Variants in SGCZ observed in about 807,000 individuals in gnomAD.
The protein encoded by SGCZ is zeta-sarcoglycan.
SGCZ carries 40 observed loss-of-function variants against 41.3 expected under a neutral mutation model. That is an observed-to-expected ratio of 0.97 (90% CI 0.75 to 1.26). SGCZ has a LOEUF of 1.26. Ranked by LOEUF, SGCZ falls within the 50% of genes most tolerant of loss-of-function variation. The pLI is 0.00. For missense variants in SGCZ, 552 were observed against 369.8 expected, an observed-to-expected ratio of 1.49 and a Z score of -4.04; for synonymous variants, 206 against 137.5, an observed-to-expected ratio of 1.50 and a Z score of -3.49.
intron 1 of SGCZ, among the ~76,000 whole-genome samples, chr8:14,865,243 C>T (rs1282559013): frequency 1.3e-5 from 2 of 152,044 alleles, no homozygotes; most frequent in South Asian, 2.1e-4. Flanking sequence ...GCGTCCAGGT[C>T]TCTTCTGCCC....
At chr8:14,948,792 T>A (rs965438901) in intron 1 of SGCZ, among the ~76,000 whole-genome samples, 1 of 152,108 alleles carries the variant, frequency 6.6e-6, no homozygotes, top group Non-Finnish European at 1.5e-5. Flanking sequence ...ACTGCTGGTT[T>A]TTGTTTGTTT....
intron 1 of SGCZ, among the ~76,000 whole-genome samples, chr8:15,170,135 T>C (rs897247839): frequency 1.4e-5 from 2 of 138,586 alleles, no homozygotes; most frequent in African/African-American, 5.4e-5. Flanking sequence ...TAAATTTTTT[T>C]CCATGTGCAG....
At chr8:15,129,338 C>T (rs1807815511) in intron 1 of SGCZ, among the ~76,000 whole-genome samples, 1 of 152,162 alleles carries the variant, frequency 6.6e-6, no homozygotes, top group Non-Finnish European at 1.5e-5. Context: ...ACAGTTAACA[C>T]TTAGAGTCTA....
At chr8:14,861,430 C>A (rs548700881) in intron 1 of SGCZ, among the ~76,000 whole-genome samples, 1 of 151,924 alleles carries the variant, frequency 6.6e-6, no homozygotes, top group Non-Finnish European at 1.5e-5. Flanking sequence ...GAATGAAATG[C>A]GTATATATGT....
chr8:15,029,310 C>G lies in SGCZ; in HGVS notation c.39+208275G>C, dbSNP rs867764823. On this transcript the variant is annotated intron_variant, in intron 1 of 7. Coordinates refer to ENST00000382080, the MANE Select transcript of SGCZ (RefSeq NM_139167.4). ...AGTGGATTTTATATATAGAAAAAAA[C>G]CATATGCCTGTAGGTGCATGTATTT... Among the ~76,000 whole-genome samples, 5 of 152,050 alleles carry G rather than the reference C, an allele frequency of 3.3e-5. No homozygotes were observed. The South Asian group carries it at 6.2e-4, about 19-fold the overall frequency.
At chr8:15,190,109 T>A (rs904524801) in intron 1 of SGCZ, among the ~76,000 whole-genome samples, 1 of 152,132 alleles carries the variant, frequency 6.6e-6, no homozygotes, top group Non-Finnish European at 1.5e-5. Flanking sequence ...AACCCATGGT[T>A]TGATGTCTGC....
intron 1 of SGCZ, among the ~76,000 whole-genome samples, chr8:14,803,561 C>T (rs900092960): frequency 1.3e-5 from 2 of 152,138 alleles, no homozygotes; most frequent in Non-Finnish European, 2.9e-5. Flanking sequence ...TATCCCGCAC[C>T]CGGCTCAGAG....
chr8:14,094,842 A>T (rs1801794300), intron 7 of SGCZ, among the ~76,000 whole-genome samples: 1 of 152,120 alleles, frequency 6.6e-6, no homozygotes. Flanking sequence ...CTGGCGTGAG[A>T]TGGTATCTCA....
At chr8:15,216,116 C>G (rs375495339) in intron 1 of SGCZ, among the ~76,000 whole-genome samples, 7 of 152,092 alleles carry the variant, frequency 4.6e-5, no homozygotes, top group Admixed American at 1.3e-4. Flanking sequence ...TAACATCTGC[C>G]AGAGCCACTA....
intron 4 of SGCZ, among the ~76,000 whole-genome samples, chr8:14,207,769 C>A (rs921480072): frequency 1.9e-4 from 29 of 152,156 alleles, no homozygotes; most frequent in African/African-American, 6.8e-4. Context: ...TCTACTACAA[C>A]TACCTACTTT....
intron 3 of SGCZ, among the ~76,000 whole-genome samples, chr8:14,279,688 T>A (rs1368862932): frequency 1.3e-5 from 2 of 152,068 alleles, no homozygotes; most frequent in Non-Finnish European, 2.9e-5. Flanking sequence ...TAAAGTCATG[T>A]GTATTATCTC....
chr8:14,234,412 A>T (rs568938739), intron 4 of SGCZ, among the ~76,000 whole-genome samples: 1 of 152,060 alleles, frequency 6.6e-6, no homozygotes, highest in African/African-American at 2.4e-5. Context: ...AACTACTTAC[A>T]TATATTTTTG....
chr8:14,847,486 T>C (rs892242723), intron 1 of SGCZ, among the ~76,000 whole-genome samples: 1 of 148,172 alleles, frequency 6.7e-6, no homozygotes, highest in East Asian at 2.1e-4. Flanking sequence ...AGTGAATCTA[T>C]GTAATTCACC....
intron 1 of SGCZ, among the ~76,000 whole-genome samples, chr8:15,136,091 T>C (rs1461071931): frequency 6.6e-6 from 1 of 152,084 alleles, no homozygotes; most frequent in East Asian, 1.9e-4. Flanking sequence ...GCATGGCTTA[T>C]GGAAAGCTCC....
Position 14,534,754 on chromosome 8 carries a change from T to C in SGCZ, c.234+19978A>G, listed in dbSNP as rs181930433. ...AACTCATTGAAAGAAAGTACAACTTTTATGTCTTTTTCAATATCTGATGCA... is the reference window on the plus strand; with the variant it reads ...AACTCATTGAAAGAAAGTACAACTTCTATGTCTTTTTCAATATCTGATGCA... On this transcript the variant is annotated intron_variant, in intron 2 of 7. Transcript: ENST00000382080. Among the ~76,000 whole-genome samples the C allele has an allele frequency of 6.6e-5, 10 of 152,144 alleles. No homozygotes were observed. The East Asian group carries it at 1.7e-3, about 27-fold the overall frequency.
intron 4 of SGCZ, among the ~76,000 whole-genome samples, chr8:14,175,159 T>C (rs1044675789): frequency 6.6e-6 from 1 of 152,134 alleles, no homozygotes; most frequent in Non-Finnish European, 1.5e-5. Flanking sequence ...AAAAAATTTT[T>C]AAATGCCAAT....
At chr8:15,139,786 C>A (rs268424) in intron 1 of SGCZ, among the ~76,000 whole-genome samples, 16,524 of 152,186 alleles carry the variant, frequency 0.11, 955 homozygotes, top group South Asian at 0.19. Context: ...ACTCTCTCCC[C>A]TGCAATTACT....
At chr8:14,516,516 C>T (rs1802624675) in intron 2 of SGCZ, among the ~76,000 whole-genome samples, 1 of 152,010 alleles carries the variant, frequency 6.6e-6, no homozygotes, top group African/African-American at 2.4e-5. Flanking sequence ...AAAATAGTTA[C>T]TGTTTTTTTC....
At chr8:14,111,149 G>T (rs1225634958) in intron 5 of SGCZ, among the ~76,000 whole-genome samples, 1 of 152,116 alleles carries the variant, frequency 6.6e-6, no homozygotes, top group Non-Finnish European at 1.5e-5. Flanking sequence ...GTAGGGTTGT[G>T]AGATTTAGCA....
Sources: gnomAD v4.1 joint callset for allele counts (sites outside exome capture counted in the v4.1 genomes callset) on GRCh38, gnomAD v4.1.1 for gene constraint, MANE v1.5 for transcripts, NCBI Gene and HGNC (gene_info 2026-07-23, HGNC 2026-07-21) for gene names.